Variants in SIRT1 observed in about 807,000 individuals in gnomAD.
SIRT1 encodes the protein sirtuin 1.
In SIRT1, 24 loss-of-function variants were observed where a neutral mutation model predicts 67.9. The ratio of observed to expected loss-of-function variants is 0.35; its 90% confidence interval spans 0.26 to 0.50. The LOEUF (loss-of-function observed/expected upper bound fraction) is 0.50, where lower values mean the gene tolerates loss of function less well. Ranked by LOEUF, SIRT1 falls within the 20% of genes least tolerant of loss-of-function variation. SIRT1 has a pLI of 0.98. For missense variants in SIRT1, 873 were observed against 937.2 expected (o/e 0.93, Z 0.89); for synonymous variants, 378 against 350.7 (o/e 1.08, Z -0.87).
At chr10:67,885,501 T>A in intron 1 of SIRT1, 1 of 876,028 alleles carries the variant, frequency 1.1e-6, no homozygotes, top group East Asian at 4.9e-5. Context: ...TTTCTTTATT[T>A]TTTATTTTCA....
intron 8 of SIRT1, 80 bp downstream of exon 8, chr10:67,913,111 A>C: frequency 1.4e-6 from 2 of 1,382,766 alleles, no homozygotes; most frequent in South Asian, 2.9e-5. Context: ...TCGGCAGGTT[A>C]ATCGATAGGG....
At chr10:67,913,178 T>G in intron 8 of SIRT1, 147 bp downstream of exon 8, 1 of 801,394 alleles carries the variant, frequency 1.2e-6, no homozygotes, top group Non-Finnish European at 1.9e-6. Context: ...ATCAGAAAGG[T>G]AAATCTTCTG....
At chr10:67,913,645 A>T (rs1234477522) in intron 8 of SIRT1, among the ~76,000 whole-genome samples, 2 of 152,142 alleles carry the variant, frequency 1.3e-5, no homozygotes, top group African/African-American at 2.4e-5. Flanking sequence ...GTTAACTGAC[A>T]TGTGAAATCA....
intron 4 of SIRT1, among the ~76,000 whole-genome samples, chr10:67,896,027 C>G (rs977471365): frequency 6.6e-6 from 1 of 152,024 alleles, no homozygotes; most frequent in Non-Finnish European, 1.5e-5. Context: ...CGTGAGTCTC[C>G]CACGCCCAGC....
Position 67,916,515 on chromosome 10 carries a change from T to A in SIRT1, c.2166T>A (p.Asp722Glu). Residue 722 changes from aspartate to glutamate, a missense_variant, in exon 9 of 9, where the codon GAT (aspartate) becomes GAA (glutamate). Physicochemically the swap from Asp to Glu is conservative, Grantham distance 45. Transcript: ENST00000212015. ...GAGCTGGATTTGGGACTGATGGAGA[T>A]GATCAAGAGGCAATTAATGAAGCTA... is the stretch of plus-strand genomic sequence containing the variant. ...AGGAGFGTDG[D>E]DQEAINEAIS... The A allele has an allele frequency of 6.2e-7, 1 of 1,614,138 alleles. No individual in the cohort carries two copies. Among genetic ancestry groups the A allele is most frequent in the Non-Finnish European group, 8.5e-7 (1 of 1,180,038 alleles).
rs1375805928 is a variant in SIRT1, at chr10:67,906,050, CACTT to C, written c.943-736_943-733del. 9 of 892,288 alleles carry C rather than the reference CACTT, an allele frequency of 1.0e-5. No homozygotes were observed. In the East Asian group the frequency reaches 3.0e-4, roughly 30 times the overall value. The allele number at this position is 892,288 out of a possible 1,614,324, so 55.3% of individuals were successfully genotyped here. A position where few individuals can be genotyped will look rare whatever the true frequency, so the allele number is the denominator to read the frequency against. On this transcript the variant is annotated intron_variant, in intron 4 of 8. Coordinates refer to ENST00000212015, the MANE Select transcript of SIRT1 (RefSeq NM_012238.5). ...GAGAATAAACTTCCTTTGCCATAGTCACTTACTAAATGGAATTTAATAAAAACAC... is the reference window on the plus strand; with the variant it reads ...GAGAATAAACTTCCTTTGCCATAGTCACTAAATGGAATTTAATAAAAACAC...
In SIRT1 at chr10:67,885,160, G is replaced by C; in HGVS notation, c.430+9G>C. 1 of 1,378,114 alleles carries C rather than the reference G, an allele frequency of 7.3e-7. No individual in the cohort carries two copies. Among genetic ancestry groups the C allele is most frequent in the Non-Finnish European group, 9.5e-7 (1 of 1,058,048 alleles). 85.4% of individuals were successfully genotyped at this position (1,378,114 alleles called of 1,614,324 possible). ...GGCGATTGGGTACCGAGGTGCGCAG[G>C]GTGCGGGCGGCCGGAACTGCGCATC... On this transcript the variant is annotated intron_variant, in intron 1 of 8. Transcript: ENST00000212015.
intron 4 of SIRT1, among the ~76,000 whole-genome samples, chr10:67,894,500 T>C (rs1475783704): frequency 1.3e-5 from 2 of 152,182 alleles, no homozygotes; most frequent in African/African-American, 2.4e-5. Flanking sequence ...GAATTGGAGC[T>C]AGGACACTGG....
Position 67,906,851 on chromosome 10 carries a change from A to T in SIRT1, c.1004A>T (p.Lys335Met). The T allele has an allele frequency of 6.2e-7, 1 of 1,613,402 alleles. No homozygotes were observed. The highest frequency in any genetic ancestry group is 1.3e-5 in the African/African-American group (1 of 75,014). ...CACAAATTCATAGCCTTGTCAGATAAGGAAGGAAAACTACTTCGCAACTAT... is the reference window on the plus strand; with the variant it reads ...CACAAATTCATAGCCTTGTCAGATATGGAAGGAAAACTACTTCGCAACTAT... The part of the protein sequence containing the change: ...LCHKFIALSD[K>M]EGKLLRNYTQ... The change falls in exon 5 of 9, where the codon AAG becomes ATG. Residue 335 changes from lysine (K) to methionine (M), a missense_variant. Transcript: ENST00000212015.
Position 67,917,495 on chromosome 10 carries a change from G to A in SIRT1, c.*902G>A, listed in dbSNP as rs2029958380. ...TCCACAAGTATTAAACTGCCAAAAT[G>A]TGAATATGCAAAGCCTTTCTGAATC... On this transcript the variant is annotated 3_prime_UTR_variant, in exon 9 of 9. Transcript: ENST00000212015. The A allele has an allele frequency of 6.6e-6, 1 of 152,606 alleles. No individual in the cohort carries two copies. Among genetic ancestry groups the A allele is most frequent in the Non-Finnish European group, 1.5e-5 (1 of 68,024 alleles). The allele number at this position is 152,606 out of a possible 1,614,324, so 9.5% of individuals were successfully genotyped here. A position where few individuals can be genotyped will look rare whatever the true frequency, so the allele number is the denominator to read the frequency against.
At chr10:67,910,103 G>T (rs1842877136) in intron 7 of SIRT1, among the ~76,000 whole-genome samples, 1 of 151,994 alleles carries the variant, frequency 6.6e-6, no homozygotes, top group African/African-American at 2.4e-5. Flanking sequence ...AAGTAATGTT[G>T]GTGGCTCGTG....
At chr10:67,890,568 C>T (rs1167941590) in intron 3 of SIRT1, among the ~76,000 whole-genome samples, 2 of 151,790 alleles carry the variant, frequency 1.3e-5, no homozygotes, top group East Asian at 1.9e-4. Flanking sequence ...AACATAGACC[C>T]TGACTCTACA....
intron 7 of SIRT1, among the ~76,000 whole-genome samples, chr10:67,911,960 C>T (rs1215119676): frequency 6.6e-6 from 1 of 152,054 alleles, no homozygotes; most frequent in Non-Finnish European, 1.5e-5. Flanking sequence ...GATGGGGTTT[C>T]ACCATGTTGG....
chr10:67,889,378 A>G (rs527863446), intron 3 of SIRT1, among the ~76,000 whole-genome samples: 1 of 152,300 alleles, frequency 6.6e-6, no homozygotes, highest in Non-Finnish European at 1.5e-5. Flanking sequence ...TTCTACCTAC[A>G]TTATATCATA....
intron 4 of SIRT1, among the ~76,000 whole-genome samples, chr10:67,904,059 G>A (rs1383206177): frequency 6.6e-6 from 1 of 150,996 alleles, no homozygotes; most frequent in African/African-American, 2.4e-5. Context: ...TAGGAGGAGT[G>A]GTATATTAGA....
At chr10:67,910,456 A>T (rs995343674) in intron 7 of SIRT1, among the ~76,000 whole-genome samples, 1 of 152,212 alleles carries the variant, frequency 6.6e-6, no homozygotes, top group Non-Finnish European at 1.5e-5. Flanking sequence ...GTAGAGTTCA[A>T]CTTAGACTTT....
At chr10:67,892,098 A>G (rs1397942694) in intron 4 of SIRT1, among the ~76,000 whole-genome samples, 1 of 152,182 alleles carries the variant, frequency 6.6e-6, no homozygotes, top group Non-Finnish European at 1.5e-5. Context: ...CTTGAAATGT[A>G]TTGATATGTG....
chr10:67,895,864 A>G (rs967444931), intron 4 of SIRT1, among the ~76,000 whole-genome samples: 4 of 146,846 alleles, frequency 2.7e-5, no homozygotes, highest in African/African-American at 5.0e-5. Flanking sequence ...GCCTCAGTCT[A>G]CTGAGTAGCT....
intron 8 of SIRT1, among the ~76,000 whole-genome samples, chr10:67,914,880 T>G (rs1232848719): frequency 4.5e-4 from 1 of 2,230 alleles, no homozygotes; most frequent in East Asian, 0.25. Flanking sequence ...TGCTCAGCTA[T>G]TTTTTTTTTT....
Sources: allele counts gnomAD v4.1 joint callset (sites outside exome capture counted in the v4.1 genomes callset), GRCh38; gene constraint gnomAD v4.1.1; transcripts MANE v1.5; gene names NCBI Gene and HGNC (gene_info 2026-07-23, HGNC 2026-07-21).